The following TRIM37 variants were observed in gnomAD, a reference collection of about 807,000 sequenced individuals.
The protein encoded by TRIM37 is E3 ubiquitin-protein ligase TRIM37.
In TRIM37, 80 loss-of-function variants were observed where a neutral mutation model predicts 129.8. The observed-to-expected ratio is 0.62, with a 90% CI of 0.51 to 0.74. The LOEUF is 0.74. Among genes scored for constraint, TRIM37 ranks in the 30% least tolerant of loss-of-function variants. TRIM37 has a pLI of 0.00. For missense variants in TRIM37, 1,054 were observed against 1,176.5 expected (o/e 0.90, Z 1.52); for synonymous variants, 389 against 387.1 (o/e 1.00, Z -0.06).
intron 1 of TRIM37, among the ~76,000 whole-genome samples, chr17:59,106,141 C>T: frequency 6.6e-6 from 1 of 152,224 alleles, no homozygotes; most frequent in Non-Finnish European, 1.5e-5. Flanking sequence ...TCTGATGAAT[C>T]TGCAGTTTTG....
In TRIM37 at chr17:59,084,032, G is replaced by A; in HGVS notation, c.339C>T (p.Ile113=). ...CTCCCCAAAGTGCACACTGATGGCA[G>A]ATACACTTCTTACAAGTCCAGCAAA... is the stretch of plus-strand genomic sequence containing the variant. ...SVFCWTCKKC[I]CHQCALWGGM... is the part of the protein sequence containing the mutation. The change falls in exon 5 of 24, where the codon ATC becomes ATT. Residue 113 remains isoleucine, a synonymous_variant. Coordinates refer to ENST00000262294, the MANE Select transcript of TRIM37 (RefSeq NM_015294.6). 6.2e-7 allele frequency: 1 copy of A among 1,613,778 alleles called. No homozygotes were observed. The highest frequency in any genetic ancestry group is 8.5e-7 in the Non-Finnish European group (1 of 1,179,892).
intron 17 of TRIM37, among the ~76,000 whole-genome samples, chr17:59,040,865 T>C (rs1176160528): frequency 2.6e-5 from 4 of 151,640 alleles, no homozygotes. Flanking sequence ...GCTAACAAGG[T>C]GAAACCCCGT....
chr17:59,037,707 T>G (rs1410581424), intron 17 of TRIM37, among the ~76,000 whole-genome samples: 1 of 152,040 alleles, frequency 6.6e-6, no homozygotes, highest in Non-Finnish European at 1.5e-5. Context: ...TTCATTACTA[T>G]GGTATATTTG....
chr17:59,035,616 G>C (rs1389944427), intron 17 of TRIM37, among the ~76,000 whole-genome samples: 1 of 151,878 alleles, frequency 6.6e-6, no homozygotes, highest in Non-Finnish European at 1.5e-5. Flanking sequence ...TGGCCGTGGT[G>C]GAGGGCACCT....
intron 19 of TRIM37, among the ~76,000 whole-genome samples, chr17:59,018,935 T>C (rs1053442685): frequency 2.0e-5 from 3 of 152,174 alleles, no homozygotes; most frequent in Admixed American, 6.5e-5. Flanking sequence ...CTTATATTTA[T>C]GGTCCACTGA....
intron 7 of TRIM37, among the ~76,000 whole-genome samples, chr17:59,076,577 T>C (rs2042831955): frequency 6.6e-6 from 1 of 152,074 alleles, no homozygotes; most frequent in Non-Finnish European, 1.5e-5. Context: ...AAAATTATAA[T>C]TACAGAAATT....
At position 58,999,034 on chromosome 17, in the gene TRIM37, G is replaced by A. The variant is rs112069339; in HGVS notation, c.*343C>T. Reference sequence around the variant, plus strand: ...CACCAATGCCGGGCGGGTTACTGACGGCATGCAGGGCCTGGAGGTACATTT... The same window carrying A: ...CACCAATGCCGGGCGGGTTACTGACAGCATGCAGGGCCTGGAGGTACATTT... On this transcript the variant is annotated 3_prime_UTR_variant, in exon 24 of 24. Transcript: ENST00000262294. 2.2e-4 allele frequency: 253 copies of A among 1,127,928 alleles called. No individual in the cohort carries two copies. The African/African-American group carries it at 3.7e-3, about 17-fold the overall frequency. 69.9% of individuals were successfully genotyped at this position (1,127,928 alleles called of 1,614,324 possible).
chr17:59,040,962 C>T (rs2039080359), intron 17 of TRIM37, among the ~76,000 whole-genome samples: 2 of 151,832 alleles, frequency 1.3e-5, no homozygotes, highest in Middle Eastern at 6.8e-3. Context: ...AGGAGAATGG[C>T]GTGAACCCGG....
chr17:59,106,491 G>T lies in TRIM37; in HGVS notation c.-30C>A, dbSNP rs773085809. ...TCCGGCTCTCGGCGGGGCCGCTGGCGACCCGCAGGCTCCGCAGTCTGACCT... is the reference window on the plus strand; with the variant it reads ...TCCGGCTCTCGGCGGGGCCGCTGGCTACCCGCAGGCTCCGCAGTCTGACCT... On this transcript the variant is annotated 5_prime_UTR_variant, in exon 1 of 24. Coordinates refer to ENST00000262294, the MANE Select transcript of TRIM37 (RefSeq NM_015294.6). 2 of 1,613,004 alleles carry T rather than the reference G, an allele frequency of 1.2e-6. No individual in the cohort carries two copies. The highest frequency in any genetic ancestry group is 1.7e-4 in the Middle Eastern group (1 of 6,058).
At chr17:59,038,738 G>A (rs1279256577) in intron 17 of TRIM37, among the ~76,000 whole-genome samples, 5 of 152,212 alleles carry the variant, frequency 3.3e-5, no homozygotes, top group Non-Finnish European at 7.3e-5. Flanking sequence ...AAGTTAGTCA[G>A]TCAGTAAGAC....
At chr17:59,051,131 T>G (rs1267331744) in intron 14 of TRIM37, 83 bp downstream of exon 14, 1 of 871,268 alleles carries the variant, frequency 1.1e-6, no homozygotes, top group Non-Finnish European at 1.8e-6. Flanking sequence ...CAAATAGCAA[T>G]AAAATATATA....
At chr17:59,055,685 C>CAAAAAAA (rs934273591) in intron 13 of TRIM37, among the ~76,000 whole-genome samples, 7 of 23,836 alleles carry the variant, frequency 2.9e-4, no homozygotes, top group African/African-American at 5.8e-4. Flanking sequence ...GACTCCATCT[C>CAAAAAAA]AAAAAAAAAA....
intron 2 of TRIM37, among the ~76,000 whole-genome samples, chr17:59,096,117 G>C (rs1437263257): frequency 6.6e-6 from 1 of 152,098 alleles, no homozygotes; most frequent in Non-Finnish European, 1.5e-5. Context: ...CTGTCCTTTT[G>C]TTCATTTCCA....
At chr17:58,996,208 C>G (rs1316386902), downstream of TRIM37, among the ~76,000 whole-genome samples, 6 of 152,012 alleles carry the variant, frequency 3.9e-5, no homozygotes, top group Non-Finnish European at 8.8e-5. Context: ...CACAGTGGCT[C>G]ATGCTTCTAA....
intron 21 of TRIM37, among the ~76,000 whole-genome samples, chr17:59,013,245 G>A (rs1859021765): frequency 1.3e-5 from 2 of 152,144 alleles, no homozygotes; most frequent in Admixed American, 1.3e-4. Context: ...CTGGGCTCAA[G>A]CGATTCTCCT....
chr17:59,081,260 T>C (rs1421986872), intron 5 of TRIM37, 41 bp from the exon 6 acceptor site: 1 of 1,600,986 alleles, frequency 6.2e-7, no homozygotes, highest in Admixed American at 1.7e-5. Flanking sequence ...TTCACATATC[T>C]CATCTGCATT....
downstream of TRIM37, among the ~76,000 whole-genome samples, chr17:58,995,355 T>C (rs2032880488): frequency 6.6e-6 from 1 of 151,620 alleles, no homozygotes; most frequent in African/African-American, 2.4e-5. Context: ...AGTGGTTAAT[T>C]CCATGGCTGG....
At chr17:59,052,481 T>A (rs1281338174) in intron 13 of TRIM37, among the ~76,000 whole-genome samples, 3 of 152,224 alleles carry the variant, frequency 2.0e-5, no homozygotes, top group African/African-American at 7.2e-5. Context: ...TTAACAGTTA[T>A]CTGGCAGTAG....
chr17:59,056,743 AAAAAGGTGAT>A, intron 13 of TRIM37, 122 bp downstream of exon 13: 1 of 473,840 alleles, frequency 2.1e-6, no homozygotes. Context: ...AAAAAAAAAA[AAAAAGGTGAT>A]AAGGTTATAG....
Sources: allele counts gnomAD v4.1 joint callset (sites outside exome capture counted in the v4.1 genomes callset), GRCh38; gene constraint gnomAD v4.1.1; transcripts MANE v1.5; gene names NCBI Gene and HGNC (gene_info 2026-07-23, HGNC 2026-07-21).